DPP10: variants seen among roughly 807,000 people sequenced by gnomAD.
The protein encoded by DPP10 is dipeptidyl peptidase like 10.
A neutral mutation model predicts 120.9 loss-of-function variants in DPP10; 33 were observed. The observed-to-expected ratio is 0.27, with a 90% CI of 0.21 to 0.37. The LOEUF is 0.37. DPP10 is among the 10% of genes least tolerant of loss of function. The pLI, the probability that DPP10 is intolerant of heterozygous loss-of-function variation, is 1.00. For missense variants in DPP10, 816 were observed against 942.8 expected (o/e 0.87, Z 1.76); for synonymous variants, 337 against 326.1 (o/e 1.03, Z -0.36).
At chr2:114,659,792 G>T (rs1275904789) in intron 1 of DPP10, among the ~76,000 whole-genome samples, 1 of 152,090 alleles carries the variant, frequency 6.6e-6, no homozygotes. Flanking sequence ...GTCTAGTTTT[G>T]TTATAAGGAG....
At chr2:114,518,637 C>T (rs1247219172) in intron 1 of DPP10, among the ~76,000 whole-genome samples, 1 of 152,202 alleles carries the variant, frequency 6.6e-6, no homozygotes, top group Non-Finnish European at 1.5e-5. Flanking sequence ...TCCTCCCCGG[C>T]AGCATTGGCA....
At chr2:115,484,853 C>T (rs1329839719) in intron 3 of DPP10, among the ~76,000 whole-genome samples, 1 of 152,076 alleles carries the variant, frequency 6.6e-6, no homozygotes, top group Non-Finnish European at 1.5e-5. Context: ...CACCTCCTAC[C>T]TAAAATAGAA....
At chr2:115,363,474 C>G (rs2064905218) in intron 3 of DPP10, among the ~76,000 whole-genome samples, 1 of 152,176 alleles carries the variant, frequency 6.6e-6, no homozygotes, top group Non-Finnish European at 1.5e-5. Flanking sequence ...GCCCAACCAA[C>G]CACCAAGGTA....
intron 1 of DPP10, among the ~76,000 whole-genome samples, chr2:114,969,277 T>C (rs969463336): frequency 2.0e-5 from 3 of 152,172 alleles, no homozygotes; most frequent in Non-Finnish European, 4.4e-5. Context: ...CATAATACTC[T>C]AAAGTATTAA....
At position 115,689,906 on chromosome 2, in the gene DPP10, C is replaced by T. The variant is rs779842739; in HGVS notation, c.561C>T (p.Val187=). The change falls in exon 7 of 26, where the codon GTC becomes GTT. Residue 187 remains valine (V), a synonymous_variant. Transcript: ENST00000410059. ...DSVLQYAAWG[V]QGQQLIYIFE... ...TCTTGCAGTACGCGGCCTGGGGTGTCCAAGGGCAGCAGCTGGTAAGCGCAG... is the reference window on the plus strand; with the variant it reads ...TCTTGCAGTACGCGGCCTGGGGTGTTCAAGGGCAGCAGCTGGTAAGCGCAG... 2.5e-6 allele frequency: 4 copies of T among 1,613,702 alleles called. No homozygotes were observed. The highest frequency in any genetic ancestry group is 3.4e-6 in the Non-Finnish European group (4 of 1,179,922).
intron 2 of DPP10, among the ~76,000 whole-genome samples, chr2:115,329,908 G>A (rs916386761): frequency 2.0e-5 from 3 of 152,116 alleles, no homozygotes; most frequent in African/African-American, 7.2e-5. Context: ...TGTGTGCATT[G>A]TGTCTTTATA....
intron 3 of DPP10, among the ~76,000 whole-genome samples, chr2:115,461,100 T>C (rs1190309112): frequency 6.6e-6 from 1 of 152,204 alleles, no homozygotes; most frequent in Non-Finnish European, 1.5e-5. Context: ...TTAGCTCCCC[T>C]GTGGCTTCTA....
intron 5 of DPP10, among the ~76,000 whole-genome samples, chr2:115,570,033 G>C (rs1029473758): frequency 6.6e-6 from 1 of 152,164 alleles, no homozygotes; most frequent in African/African-American, 2.4e-5. Context: ...TTATCTGTGT[G>C]ACACAGAGAT....
intron 1 of DPP10, among the ~76,000 whole-genome samples, chr2:114,888,544 AAC>A (rs1467287206): frequency 3.0e-4 from 46 of 152,358 alleles, no homozygotes; most frequent in Middle Eastern, 3.4e-3. Flanking sequence ...ACTTCCAGTT[AAC>A]ACAAAGAATT....
chr2:115,757,765 A>C (rs1679607537), intron 11 of DPP10, among the ~76,000 whole-genome samples: 1 of 122,750 alleles, frequency 8.1e-6, no homozygotes, highest in Non-Finnish European at 1.8e-5. Flanking sequence ...TTTAATATTG[A>C]AAACCAATCA....
intron 1 of DPP10, among the ~76,000 whole-genome samples, chr2:114,900,574 A>C (rs1693476314): frequency 6.6e-6 from 1 of 152,314 alleles, no homozygotes; most frequent in African/African-American, 2.4e-5. Flanking sequence ...TACAATTGCT[A>C]TGTACATTCT....
Position 114,539,214 on chromosome 2 carries a change from CAT to C in DPP10, c.60+96378_60+96379del, listed in dbSNP as rs1164147796. On this transcript the variant is annotated intron_variant, in intron 1 of 25. Coordinates refer to ENST00000410059, the MANE Select transcript of DPP10 (RefSeq NM_020868.6). Reference sequence around the variant, plus strand: ...TATAAATTATATTTATAATTATACACATAACTATTGATACAATATATTAAAAA... The same window carrying C: ...TATAAATTATATTTATAATTATACACAACTATTGATACAATATATTAAAAA... Among the ~76,000 whole-genome samples, 5 of 147,988 alleles carry C rather than the reference CAT, an allele frequency of 3.4e-5. No homozygotes were observed. The Admixed American group carries it at 3.4e-4, about 10-fold the overall frequency.
chr2:115,634,332 C>T (rs904736777), intron 5 of DPP10, among the ~76,000 whole-genome samples: 1 of 152,194 alleles, frequency 6.6e-6, no homozygotes, highest in African/African-American at 2.4e-5. Flanking sequence ...TTCTCATCTT[C>T]AGGAGTTTAT....
At chr2:115,420,312 T>A (rs2069822886) in intron 3 of DPP10, among the ~76,000 whole-genome samples, 1 of 152,156 alleles carries the variant, frequency 6.6e-6, no homozygotes, top group South Asian at 2.1e-4. Flanking sequence ...TTTAATTTAT[T>A]TTCCCCTTAA....
intron 1 of DPP10, among the ~76,000 whole-genome samples, chr2:115,039,051 A>G (rs1573395475): frequency 6.6e-6 from 1 of 152,196 alleles, no homozygotes; most frequent in East Asian, 1.9e-4. Context: ...AGGCCAGAAG[A>G]TGCTTCCAGG....
intron 1 of DPP10, among the ~76,000 whole-genome samples, chr2:114,548,993 G>A (rs1023230462): frequency 1.3e-5 from 2 of 152,170 alleles, no homozygotes; most frequent in African/African-American, 4.8e-5. Context: ...AATCACACGA[G>A]CACATAGAAA....
intron 5 of DPP10, among the ~76,000 whole-genome samples, chr2:115,655,794 A>G (rs2088260726): frequency 6.6e-6 from 1 of 151,484 alleles, no homozygotes; most frequent in African/African-American, 2.4e-5. Context: ...GAATTATCAT[A>G]TTATATTGAA....
intron 3 of DPP10, among the ~76,000 whole-genome samples, chr2:115,489,503 A>C (rs965307950): frequency 1.9e-4 from 29 of 152,152 alleles, no homozygotes; most frequent in African/African-American, 6.7e-4. Flanking sequence ...AATAGAGATC[A>C]CAAGAATAAC....
intron 1 of DPP10, among the ~76,000 whole-genome samples, chr2:115,151,240 T>C (rs902252681): frequency 2.0e-5 from 3 of 152,192 alleles, no homozygotes; most frequent in Non-Finnish European, 4.4e-5. Flanking sequence ...ATAATAATCT[T>C]AGTTCCTTTT....
Sources: gnomAD v4.1 joint callset for allele counts (sites outside exome capture counted in the v4.1 genomes callset) on GRCh38, gnomAD v4.1.1 for gene constraint, MANE v1.5 for transcripts, NCBI Gene and HGNC (gene_info 2026-07-23, HGNC 2026-07-21) for gene names.